The following SERPINE3 variants were observed in gnomAD, a reference collection of about 807,000 sequenced individuals.
SERPINE3 encodes serpin family E member 3.
Under a neutral mutation model 41.7 loss-of-function variants are expected in SERPINE3, and 43 were observed. The observed-to-expected ratio is 1.03, with a 90% confidence interval of 0.81 to 1.33. The LOEUF is 1.33. SERPINE3 is among the 40% of genes most tolerant of loss of function. The pLI, the probability that SERPINE3 is intolerant of heterozygous loss-of-function variation, is 0.00. For missense variants in SERPINE3, 440 were observed against 491.7 expected (o/e 0.89, Z 0.99); for synonymous variants, 200 against 192.2 (o/e 1.04, Z -0.34).
chr13:51,356,162 T>A lies in SERPINE3; in HGVS notation c.1000+1019T>A, dbSNP rs75027836. ...TTAAAATCTACCAGCTCTGTACTCA[T>A]TGCCTGAACACGCAAAGAGATAGCA... On this transcript the variant is annotated intron_variant, in intron 7 of 9. Coordinates refer to ENST00000681248, the MANE Select transcript of SERPINE3 (RefSeq NM_001386375.1). Among the ~76,000 whole-genome samples, 1,388 of 152,252 alleles carry A rather than the reference T, an allele frequency of 9.1e-3. 19 individuals carry two copies. The highest frequency in any genetic ancestry group is 0.032 in the African/African-American group (1,313 of 41,552).
intron 7 of SERPINE3, among the ~76,000 whole-genome samples, chr13:51,356,086 GA>G (rs1412353558): frequency 6.6e-6 from 1 of 152,134 alleles, no homozygotes; most frequent in Non-Finnish European, 1.5e-5. Flanking sequence ...TGACCAGATT[GA>G]CAGTTACTTA....
intron 6 of SERPINE3, chr13:51,353,958 G>A (rs561649525): frequency 2.0e-4 from 30 of 152,152 alleles, no homozygotes; most frequent in Middle Eastern, 3.4e-3. Flanking sequence ...CTTGTCCCTG[G>A]GGAAATATAA....
chr13:51,348,849 C>T (rs9568578), intron 6 of SERPINE3, among the ~76,000 whole-genome samples: 3,343 of 51,446 alleles, frequency 0.065, 66 homozygotes, highest in South Asian at 0.12. Context: ...CGTAATTGAG[C>T]AAGTACAGAT....
At chr13:51,358,588 T>C (rs1422966769) in intron 7 of SERPINE3, among the ~76,000 whole-genome samples, 2 of 152,148 alleles carry the variant, frequency 1.3e-5, no homozygotes, top group African/African-American at 4.8e-5. Context: ...CGTATAGTGG[T>C]AAGGGGTGTC....
chr13:51,345,660 AG>A (rs1357604678), intron 4 of SERPINE3, among the ~76,000 whole-genome samples: 4 of 152,004 alleles, frequency 2.6e-5, no homozygotes, highest in African/African-American at 9.7e-5. Flanking sequence ...AATGGAAAAC[AG>A]TAAGTGTGTG....
At chr13:51,348,565 C>T (rs1328557981) in intron 6 of SERPINE3, 154 bp downstream of exon 6, 1 of 626,956 alleles carries the variant, frequency 1.6e-6, no homozygotes, top group East Asian at 2.8e-5. Context: ...GAGGAAGTGA[C>T]CCTAGAGTTT....
At chr13:51,350,748 T>C (rs535278515) in intron 6 of SERPINE3, among the ~76,000 whole-genome samples, 4 of 152,292 alleles carry the variant, frequency 2.6e-5, no homozygotes, top group Middle Eastern at 3.4e-3. Context: ...CAGAACCTTT[T>C]CATCACCTCA....
chr13:51,353,033 A>C (rs1304927120), intron 6 of SERPINE3, among the ~76,000 whole-genome samples: 1 of 152,146 alleles, frequency 6.6e-6, no homozygotes, highest in Non-Finnish European at 1.5e-5. Context: ...TATATTCATA[A>C]GGTATATTGG....
rs769233750 is a variant in SERPINE3, at chr13:51,361,867, T to C, written c.1145T>C (p.Ile382Thr). Residue 382 changes from isoleucine to threonine, a missense_variant, in exon 9 of 10, where the codon ATC (isoleucine) becomes ACC (threonine). Transcript: ENST00000681248. ...IPIFKADRPF[I>T]YFLREPNTGF... ...ATTTTTAAAGCAGATCGGCCATTCA[T>C]CTATTTCCTGAGAGAACCTAACACA... 10 of 1,611,780 alleles carry C rather than the reference T, an allele frequency of 6.2e-6. No homozygotes were observed. Among genetic ancestry groups the C allele is most frequent in the Non-Finnish European group, 8.5e-6 (10 of 1,178,718 alleles).
chr13:51,360,261 C>T lies in SERPINE3; in HGVS notation c.1001-1017C>T, dbSNP rs1341439842. On this transcript the variant is annotated intron_variant, in intron 7 of 9. Coordinates refer to ENST00000681248, the MANE Select transcript of SERPINE3 (RefSeq NM_001386375.1). ...TTTAACATTCATGCCACAGATACCTCCCAGTGGCATGTTGGAGCTGACTAG... is the reference window on the plus strand; with the variant it reads ...TTTAACATTCATGCCACAGATACCTTCCAGTGGCATGTTGGAGCTGACTAG... Among the ~76,000 whole-genome samples, 4 of 152,134 alleles carry T rather than the reference C, an allele frequency of 2.6e-5. No individual in the cohort carries two copies. The South Asian group carries it at 6.2e-4, about 24-fold the overall frequency.
intron 7 of SERPINE3, 85 bp downstream of exon 7, chr13:51,355,228 A>AGCCTTCAGT: frequency 1.5e-5 from 8 of 520,586 alleles, no homozygotes; most frequent in Non-Finnish European, 2.7e-5. Context: ...CTCATTTCAG[A>AGCCTTCAGT]GTCAACATTA....
intron 9 of SERPINE3, chr13:51,363,276 TAAGGA>T: frequency 2.0e-5 from 3 of 151,934 alleles, no homozygotes; most frequent in Non-Finnish European, 2.9e-5. Context: ...AATGAAAATA[TAAGGA>T]TAATCCAAAA....
chr13:51,364,523 C>T lies in SERPINE3; in HGVS notation c.*241C>T. Reference sequence around the variant, plus strand: ...GCTTACCCCCCAAACCACTAAAAGGCACAGCAGTGATCATGAATGGTGAGT... The same window carrying T: ...GCTTACCCCCCAAACCACTAAAAGGTACAGCAGTGATCATGAATGGTGAGT... On this transcript the variant is annotated 3_prime_UTR_variant, in exon 10 of 10. Transcript: ENST00000681248. 2.5e-6 allele frequency: 1 copy of T among 393,802 alleles called. No individual in the cohort carries two copies. Among genetic ancestry groups the T allele is most frequent in the East Asian group, 4.3e-5 (1 of 23,132 alleles). The allele number at this position is 393,802 out of a possible 1,614,324, so 24.4% of individuals were successfully genotyped here. A position where few individuals can be genotyped will look rare whatever the true frequency, so the allele number is the denominator to read the frequency against.
intron 9 of SERPINE3, chr13:51,363,761 G>A (rs1264553769): frequency 6.6e-6 from 1 of 151,776 alleles, no homozygotes; most frequent in African/African-American, 2.4e-5. Flanking sequence ...CTCCTGACCA[G>A]GTTTTAGGAT....
rs1456984656 is a variant in SERPINE3 at position 51,348,290 on chromosome 13, C to T, written c.778C>T (p.Leu260=). ...CCTGGGAAGTGCAGTGAGTCTGTTCCTGGTGCTGCCCCGTGACAAAGACAC... is the reference window on the plus strand; with the variant it reads ...CCTGGGAAGTGCAGTGAGTCTGTTCTTGGTGCTGCCCCGTGACAAAGACAC... ...PYLGSAVSLF[L]VLPRDKDTPL... The change falls in exon 6 of 10, where the codon CTG becomes TTG. Residue 260 remains leucine (L), a synonymous_variant. Coordinates refer to ENST00000681248, the MANE Select transcript of SERPINE3 (RefSeq NM_001386375.1). 5.6e-6 allele frequency: 9 copies of T among 1,611,928 alleles called. No homozygotes were observed. The highest frequency in any genetic ancestry group is 6.8e-6 in the Non-Finnish European group (8 of 1,179,210).
intron 7 of SERPINE3, among the ~76,000 whole-genome samples, chr13:51,360,062 C>T (rs1955539985): frequency 6.6e-6 from 1 of 152,088 alleles, no homozygotes; most frequent in Non-Finnish European, 1.5e-5. Flanking sequence ...ATCCTGTGCA[C>T]ATCTTACAAG....
At chr13:51,351,821 T>C (rs1235593696) in intron 6 of SERPINE3, among the ~76,000 whole-genome samples, 1 of 152,114 alleles carries the variant, frequency 6.6e-6, no homozygotes, top group African/African-American at 2.4e-5. Context: ...TTGTATATAG[T>C]ATGAGGTAGG....
chr13:51,349,583 C>A (rs1226433658), intron 6 of SERPINE3, among the ~76,000 whole-genome samples: 3 of 152,140 alleles, frequency 2.0e-5, no homozygotes, highest in Non-Finnish European at 2.9e-5. Context: ...TCGCCACAAC[C>A]TTTTTGGGTT....
intron 5 of SERPINE3, 133 bp downstream of exon 5, chr13:51,347,367 T>G: frequency 4.0e-6 from 3 of 752,214 alleles, no homozygotes; most frequent in Non-Finnish European, 6.7e-6. Flanking sequence ...GGACTGGGCA[T>G]GCATGGCGGA....
Sources: allele counts gnomAD v4.1 joint callset (sites outside exome capture counted in the v4.1 genomes callset), GRCh38; gene constraint gnomAD v4.1.1; transcripts MANE v1.5; gene names NCBI Gene and HGNC (gene_info 2026-07-23, HGNC 2026-07-21).